Variants in EEF1AKMT2 observed in about 807,000 individuals in gnomAD.
The protein encoded by EEF1AKMT2 is EEF1A lysine methyltransferase 2, also known as eukaryotic translation elongation factor 1 alpha lysine methyltransferase 2.
In EEF1AKMT2, 32 loss-of-function variants were observed where a neutral mutation model predicts 35.8. The ratio of observed to expected loss-of-function variants is 0.89; its 90% confidence interval spans 0.67 to 1.20. The LOEUF (loss-of-function observed/expected upper bound fraction) is 1.20, where lower values mean the gene tolerates loss of function less well. Among genes scored for constraint, EEF1AKMT2 ranks in the 50% most tolerant of loss-of-function variants. The pLI, the probability that EEF1AKMT2 is intolerant of heterozygous loss-of-function variation, is 0.00. For missense variants in EEF1AKMT2, 330 were observed against 347.5 expected (o/e 0.95, Z 0.40); for synonymous variants, 121 against 133.7 (o/e 0.91, Z 0.65).
intron 4 of EEF1AKMT2, among the ~76,000 whole-genome samples, chr10:124,770,590 G>A (rs1589783110): frequency 6.6e-6 from 1 of 152,130 alleles, no homozygotes; most frequent in Admixed American, 6.6e-5. Flanking sequence ...CCTAAAATAA[G>A]ACAGTAATAA....
chr10:124,766,635 A>G (rs1255582503), intron 4 of EEF1AKMT2, among the ~76,000 whole-genome samples: 1 of 152,176 alleles, frequency 6.6e-6, no homozygotes. Flanking sequence ...CTAAAACTCT[A>G]TTGACTTAAA....
intron 3 of EEF1AKMT2, chr10:124,783,011 A>T (rs1950556219): frequency 4.9e-6 from 2 of 412,300 alleles, no homozygotes; most frequent in South Asian, 1.8e-5. Flanking sequence ...AAGGTAAGTT[A>T]AAAGGATGGA....
chr10:124,789,897 C>CT (rs1950619332), intron 2 of EEF1AKMT2, among the ~76,000 whole-genome samples: 2 of 49,930 alleles, frequency 4.0e-5, no homozygotes, highest in Admixed American at 4.3e-4. Flanking sequence ...TGAATATATG[C>CT]ATTTTTTTTT....
At chr10:124,782,929 G>A (rs1214606908) in intron 3 of EEF1AKMT2, 4 of 417,996 alleles carry the variant, frequency 9.6e-6, no homozygotes, top group African/African-American at 2.1e-5. Flanking sequence ...AAAGGTTAGA[G>A]ATTGTTAGAA....
At chr10:124,783,833 T>C (rs1280197123) in intron 3 of EEF1AKMT2, among the ~76,000 whole-genome samples, 1 of 152,034 alleles carries the variant, frequency 6.6e-6, no homozygotes, top group Admixed American at 6.6e-5. Context: ...TTTTATTTTA[T>C]TTTATTTTGA....
chr10:124,781,469 C>T (rs1162537805), intron 3 of EEF1AKMT2, among the ~76,000 whole-genome samples: 6 of 151,498 alleles, frequency 4.0e-5, no homozygotes, highest in African/African-American at 1.5e-4. Flanking sequence ...ATCCCAGCTA[C>T]TCGGGAGGCT....
intron 3 of EEF1AKMT2, among the ~76,000 whole-genome samples, chr10:124,786,402 A>T (rs546228840): frequency 6.6e-6 from 1 of 151,906 alleles, no homozygotes. Context: ...GCTACTCAGG[A>T]GGCTGAGGCA....
At chr10:124,785,967 A>G (rs1950580828) in intron 3 of EEF1AKMT2, among the ~76,000 whole-genome samples, 1 of 151,708 alleles carries the variant, frequency 6.6e-6, no homozygotes, top group Non-Finnish European at 1.5e-5. Context: ...AACATCATTC[A>G]TTACTCATTA....
At chr10:124,761,774 T>TA (rs1459572178) in intron 6 of EEF1AKMT2, among the ~76,000 whole-genome samples, 2 of 152,020 alleles carry the variant, frequency 1.3e-5, no homozygotes, top group Admixed American at 6.6e-5. Flanking sequence ...AATACAAAAA[T>TA]AAGCCGTTGT....
intron 4 of EEF1AKMT2, among the ~76,000 whole-genome samples, chr10:124,767,171 A>AAC: frequency 6.8e-6 from 1 of 147,620 alleles, no homozygotes; most frequent in South Asian, 2.2e-4. Context: ...AAAAAAAAAA[A>AAC]AAAAAAAAAA....
chr10:124,789,135 G>A lies in EEF1AKMT2; in HGVS notation c.199C>T (p.Arg67Ter), dbSNP rs1467188684. Residue 67 changes from arginine to a stop codon, truncating the protein, a stop_gained, in exon 3 of 7, where the codon CGA becomes TGA. Coordinates refer to ENST00000368836, the MANE Select transcript of EEF1AKMT2 (RefSeq NM_212554.4). LOFTEE classifies it high-confidence loss of function. Reference sequence around the variant, plus strand: ...TGTTTCTGCATCCACCTTATTAGTCGATTCATACTCTCTTCTCCAAACCTG... The same window carrying A: ...TGTTTCTGCATCCACCTTATTAGTCAATTCATACTCTCTTCTCCAAACCTG... ...EIWFGEESMN[R>*]LIRWMQKHKI... The A allele has an allele frequency of 7.4e-6, 12 of 1,612,404 alleles. No homozygotes were observed. The highest frequency in any genetic ancestry group is 2.7e-5 in the African/African-American group (2 of 74,848).
At chr10:124,776,708 T>C (rs991776330) in intron 3 of EEF1AKMT2, among the ~76,000 whole-genome samples, 3 of 151,920 alleles carry the variant, frequency 2.0e-5, no homozygotes, top group Admixed American at 6.6e-5. Flanking sequence ...GGCAGGAGAA[T>C]TGCTTGAACC....
chr10:124,790,275 G>A lies in EEF1AKMT2; in HGVS notation c.174C>T (p.Ile58=). 3 of 1,604,972 alleles carry A rather than the reference G, an allele frequency of 1.9e-6. No homozygotes were observed. Among genetic ancestry groups the A allele is most frequent in the Non-Finnish European group, 2.6e-6 (3 of 1,171,804 alleles). ...ACTTGATTCTTTTCCTAACTCACCA[G>A]ATTTCACCTGTATCTCCATATTCTC... The part of the protein sequence containing the change: ...TFREYGDTGE[I]WFGEESMNRL... Residue 58 remains isoleucine, a splice_region_variant and synonymous_variant, in exon 2 of 7, where the codon ATC becomes ATT. Coordinates refer to ENST00000368836, the MANE Select transcript of EEF1AKMT2 (RefSeq NM_212554.4).
At chr10:124,769,173 A>G (rs962389524) in intron 4 of EEF1AKMT2, among the ~76,000 whole-genome samples, 10 of 138,172 alleles carry the variant, frequency 7.2e-5, no homozygotes, top group African/African-American at 2.7e-4. Flanking sequence ...AGCTGTAATA[A>G]CACCACCGCA....
chr10:124,768,533 T>C (rs1033848103), intron 4 of EEF1AKMT2, among the ~76,000 whole-genome samples: 1 of 151,938 alleles, frequency 6.6e-6, no homozygotes, highest in Admixed American at 6.6e-5. Flanking sequence ...TCACCTTAGG[T>C]CGTGAGTTCA....
intron 4 of EEF1AKMT2, among the ~76,000 whole-genome samples, chr10:124,766,630 A>C (rs559062621): frequency 5.3e-5 from 8 of 152,148 alleles, no homozygotes; most frequent in African/African-American, 1.9e-4. Context: ...TTAATCTAAA[A>C]CTCTATTGAC....
At chr10:124,791,405 C>T (rs936435660) in intron 1 of EEF1AKMT2, among the ~76,000 whole-genome samples, 1 of 152,092 alleles carries the variant, frequency 6.6e-6, no homozygotes. Context: ...TATTCGCCAG[C>T]CTCGCCCTCT....
At position 124,765,548 on chromosome 10, in the gene EEF1AKMT2, C is replaced by G. The variant is rs1352638975; in HGVS notation, c.460G>C (p.Gly154Arg). ...TTAAGGCTTATGGCATCAAAAGTCCCTTTGTCAATACAAATATGAAATCCA... is the reference window on the plus strand; with the variant it reads ...TTAAGGCTTATGGCATCAAAAGTCCGTTTGTCAATACAAATATGAAATCCA... Reference protein sequence around the residue: ...LSGFHICIDKGTFDAISLNPD... With the variant: ...LSGFHICIDKRTFDAISLNPD... The change falls in exon 5 of 7, where the codon GGG becomes CGG. Residue 154 changes from glycine (G) to arginine (R), a missense_variant. Transcript: ENST00000368836. The G allele has an allele frequency of 6.2e-7, 1 of 1,613,912 alleles. No individual in the cohort carries two copies. Among genetic ancestry groups the G allele is most frequent in the African/African-American group, 1.3e-5 (1 of 75,038 alleles).
intron 5 of EEF1AKMT2, among the ~76,000 whole-genome samples, chr10:124,764,303 C>CAAAAA (rs71893253): frequency 7.8e-6 from 1 of 127,574 alleles, no homozygotes; most frequent in Non-Finnish European, 1.7e-5. Context: ...AGTGCAGGAT[C>CAAAAA]AAAAAAAAAA....
Sources: gnomAD v4.1 joint callset for allele counts (sites outside exome capture counted in the v4.1 genomes callset) on GRCh38, gnomAD v4.1.1 for gene constraint, MANE v1.5 for transcripts, NCBI Gene and HGNC (gene_info 2026-07-23, HGNC 2026-07-21) for gene names.